Variants in AMDHD2 observed in about 807,000 individuals in gnomAD.
AMDHD2 encodes amidohydrolase domain containing 2, also known as N-acetylglucosamine-6-phosphate deacetylase.
AMDHD2 carries 24 observed loss-of-function variants against 41.8 expected under a neutral mutation model. The observed-to-expected ratio is 0.57, with a 90% CI of 0.42 to 0.81. The LOEUF is 0.81. Among genes scored for constraint, AMDHD2 ranks in the 30% least tolerant of loss-of-function variants. AMDHD2 has a pLI of 0.00. For missense variants in AMDHD2, 540 were observed against 588.5 expected, an observed-to-expected ratio of 0.92 and a Z score of 0.85; for synonymous variants, 332 against 255.5, an observed-to-expected ratio of 1.30 and a Z score of -2.85.
In AMDHD2 at chr16:2,528,277, C is replaced by T. The variant is rs761414863; in HGVS notation, c.759C>T (p.Ser253=). 7 of 1,612,260 alleles carry T rather than the reference C, an allele frequency of 4.3e-6. No individual in the cohort carries two copies. The highest frequency in any genetic ancestry group is 3.3e-5 in the South Asian group (3 of 91,084). Residue 253 remains serine (S), a synonymous_variant, in exon 7 of 11, where the codon AGC becomes AGT. Transcript: ENST00000293971. ...RDPGIVGLLT[S]DRLPAGRCIF... is the part of the protein sequence containing the mutation. ...CAGGCATCGTGGGGCTCCTGACCAG[C>T]GACCGGCTGCCCGCAGGCCGCTGCA... is the stretch of plus-strand genomic sequence containing the variant.
At position 2,530,584 on chromosome 16, in the gene AMDHD2, G is replaced by A. The variant is rs1252417352; in HGVS notation, c.*1021G>A. ...TGGCTCCCTTCCCCCTTGCTTACAG[G>A]TGCTGTCCTGGGCACAGGAGGTACG... On this transcript the variant is annotated 3_prime_UTR_variant, in exon 11 of 11. Coordinates refer to ENST00000293971, the MANE Select transcript of AMDHD2 (RefSeq NM_001330449.2). 6.2e-7 allele frequency: 1 copy of A among 1,614,164 alleles called. No individual in the cohort carries two copies. The highest frequency in any genetic ancestry group is 2.2e-5 in the East Asian group (1 of 44,890).
intron 10 of AMDHD2, 133 bp from the exon 11 acceptor site, chr16:2,529,342 G>A: frequency 1.4e-6 from 2 of 1,399,318 alleles, no homozygotes; most frequent in Non-Finnish European, 9.8e-7. Flanking sequence ...ATCTGTGATG[G>A]GTCAGGGTGT....
intron 9 of AMDHD2, 45 bp from the exon 10 acceptor site, chr16:2,528,949 C>T: frequency 1.3e-6 from 2 of 1,543,118 alleles, no homozygotes; most frequent in Non-Finnish European, 1.7e-6. Context: ...GTTGGCAAAG[C>T]CATGTGGGCT....
rs2065924041 is a variant in AMDHD2, at chr16:2,520,787, C to G, written c.102C>G (p.Arg34=). 4 of 1,603,382 alleles carry G rather than the reference C, an allele frequency of 2.5e-6. No homozygotes were observed. The highest frequency in any genetic ancestry group is 3.4e-6 in the Non-Finnish European group (4 of 1,176,876). Residue 34 remains arginine, a synonymous_variant, in exon 2 of 11, where the codon CGC becomes CGG. Transcript: ENST00000293971. ...TCCCCAGGGAGGATCTGTGGGTGCGCGGAGGCCGCATCTTGGACCCAGAGA... is the reference window on the plus strand; with the variant it reads ...TCCCCAGGGAGGATCTGTGGGTGCGGGGAGGCCGCATCTTGGACCCAGAGA... ...GKLLREDLWV[R]GGRILDPEKL... is the part of the protein sequence containing the mutation.
rs563612603 is a variant in AMDHD2, at chr16:2,527,219, A to G, written c.361-342A>G. The G allele has an allele frequency of 1.1e-3, 452 of 425,298 alleles. 1 individual carries two copies. Among genetic ancestry groups the G allele is most frequent in the African/African-American group, 8.3e-3 (391 of 46,834 alleles). 26.3% of individuals were successfully genotyped at this position (425,298 alleles called of 1,614,324 possible). A position where few individuals can be genotyped will look rare whatever the true frequency, so the allele number is the denominator to read the frequency against. On this transcript the variant is annotated intron_variant, in intron 3 of 10. Transcript: ENST00000293971. The surrounding 1 kb of genome is among the most constrained non-coding windows in gnomAD (Gnocchi z 6.1). ...AGTGCTGAGCCCTGGCCATGCCCAC[A>G]CTGAGCTCTGCCCCAGGGTCCCTGC...
At chr16:2,525,050 C>G (rs2065986016) in intron 3 of AMDHD2, among the ~76,000 whole-genome samples, 1 of 151,602 alleles carries the variant, frequency 6.6e-6, no homozygotes, top group Non-Finnish European at 1.5e-5. Flanking sequence ...ACTCTTCTCT[C>G]TGGCCACTTA....
intron 3 of AMDHD2, among the ~76,000 whole-genome samples, chr16:2,524,415 T>TG (rs1162886503): frequency 6.6e-6 from 1 of 152,202 alleles, no homozygotes; most frequent in African/African-American, 2.4e-5. Flanking sequence ...CCCCTGCCTC[T>TG]GGCCCCGCAC....
At position 2,527,756 on chromosome 16, in the gene AMDHD2, T is replaced by G; in HGVS notation, c.416-17T>G. On this transcript the variant is annotated splice_polypyrimidine_tract_variant and intron_variant, in intron 4 of 10. Coordinates refer to ENST00000293971, the MANE Select transcript of AMDHD2 (RefSeq NM_001330449.2). The surrounding 1 kb of genome is among the most constrained non-coding windows in gnomAD (Gnocchi z 6.1). The stretch of plus-strand genomic sequence containing the variant: ...TGGGGCAGGGACCTGCTGGAGCCAC[T>G]TGCTCCCTCCTCCCAGGGCTGCACC... The G allele has an allele frequency of 6.4e-7, 1 of 1,561,774 alleles. No individual in the cohort carries two copies. Among genetic ancestry groups the G allele is most frequent in the Non-Finnish European group, 8.6e-7 (1 of 1,157,386 alleles).
intron 1 of AMDHD2, 30 bp downstream of exon 1, chr16:2,520,571 G>T: frequency 8.2e-7 from 1 of 1,219,536 alleles, no homozygotes. Flanking sequence ...TGCGGGGCTG[G>T]GGACCGGGCG....
Position 2,527,679 on chromosome 16 carries a change from C to T in AMDHD2, c.415+64C>T, listed in dbSNP as rs1011845663. ...GCTCCTGCGGGACCTGTTGGCAGCC[C>T]CCACCCCTCCAGATGCCCAGCTGGT... is the stretch of plus-strand genomic sequence containing the variant. On this transcript the variant is annotated intron_variant, in intron 4 of 10. Transcript: ENST00000293971. This position sits in a 1 kb window ranked among gnomAD's most constrained non-coding sequence, Gnocchi z 6.1. 1.6e-5 allele frequency: 25 copies of T among 1,571,278 alleles called. No individual in the cohort carries two copies. The highest frequency in any genetic ancestry group is 1.9e-5 in the Non-Finnish European group (22 of 1,157,876).
chr16:2,521,933 C>T (rs957751351), intron 3 of AMDHD2, among the ~76,000 whole-genome samples: 3 of 151,758 alleles, frequency 2.0e-5, no homozygotes, highest in Non-Finnish European at 2.9e-5. Context: ...TACAGGTGCC[C>T]GCCACCTCGC....
rs4072480 is a variant in AMDHD2, at chr16:2,520,638, A to T, written c.83+97A>T. 3 of 713,006 alleles carry T rather than the reference A, an allele frequency of 4.2e-6. 1 individual carries two copies. The highest frequency in any genetic ancestry group is 1.0e-4 in the African/African-American group (2 of 19,990). 44.2% of individuals were successfully genotyped at this position (713,006 alleles called of 1,614,324 possible). On this transcript the variant is annotated intron_variant, in intron 1 of 10. Transcript: ENST00000293971. ...GGGTGCAGGGTGCGGGGCCGGGGAC[A>T]GGGCGGGGTGCAGGGTGCGGGGCCG...
chr16:2,524,208 T>C (rs1049911649), intron 3 of AMDHD2, among the ~76,000 whole-genome samples: 1 of 152,254 alleles, frequency 6.6e-6, no homozygotes, highest in Non-Finnish European at 1.5e-5. Flanking sequence ...CTGGGTGGAA[T>C]TGGATGGCCA....
intron 3 of AMDHD2, among the ~76,000 whole-genome samples, chr16:2,522,116 CTCTG>C (rs780110363): frequency 2.6e-5 from 4 of 152,082 alleles, no homozygotes; most frequent in Non-Finnish European, 4.4e-5. Context: ...CAGGGTTTCT[CTCTG>C]TGGCCCAGGT....
Position 2,529,373 on chromosome 16 carries a change from G to T in AMDHD2, c.1142-102G>T, listed in dbSNP as rs1469354584. 22 of 1,550,594 alleles carry T rather than the reference G, an allele frequency of 1.4e-5. No homozygotes were observed. The Admixed American group carries it at 3.7e-4, about 26-fold the overall frequency. ...GGTGTCTTGCACTAGTCGTGTCCCT[G>T]GGCCTCAGTTTCCCCACCAGCGTCG... is the stretch of plus-strand genomic sequence containing the variant. On this transcript the variant is annotated intron_variant, in intron 10 of 10. Coordinates refer to ENST00000293971, the MANE Select transcript of AMDHD2 (RefSeq NM_001330449.2).
At position 2,529,722 on chromosome 16, in the gene AMDHD2, C is replaced by G. The variant is rs1221660380; in HGVS notation, c.*159C>G. 1.3e-5 allele frequency: 19 copies of G among 1,456,644 alleles called. No homozygotes were observed. Among genetic ancestry groups the G allele is most frequent in the Non-Finnish European group, 1.6e-5 (18 of 1,105,420 alleles). The allele number at this position is 1,456,644 out of a possible 1,614,324, so 90.2% of individuals were successfully genotyped here. A position where few individuals can be genotyped will look rare whatever the true frequency, so the allele number is the denominator to read the frequency against. On this transcript the variant is annotated 3_prime_UTR_variant, in exon 11 of 11. Transcript: ENST00000293971. ...AGGCGGTGGCTGGGATAAACGTGCA[C>G]CCAGCAGGACTCGCCTTGGCTCCGG...
intron 3 of AMDHD2, among the ~76,000 whole-genome samples, chr16:2,526,845 G>A (rs534439122): frequency 6.6e-6 from 1 of 152,228 alleles, no homozygotes; most frequent in East Asian, 1.9e-4. Context: ...CAGGAGAATC[G>A]CTTGAACTCA....
intron 3 of AMDHD2, among the ~76,000 whole-genome samples, chr16:2,525,061 T>C (rs1275596570): frequency 2.0e-5 from 3 of 151,686 alleles, no homozygotes; most frequent in African/African-American, 4.8e-5. Context: ...TGGCCACTTA[T>C]TTATTTATTT....
rs760659331 is a variant in AMDHD2 at position 2,529,734 on chromosome 16, C to T, written c.*171C>T. 15 of 1,446,210 alleles carry T rather than the reference C, an allele frequency of 1.0e-5. No homozygotes were observed. The highest frequency in any genetic ancestry group is 8.5e-5 in the African/African-American group (6 of 70,480). 89.6% of individuals were successfully genotyped at this position (1,446,210 alleles called of 1,614,324 possible). A position where few individuals can be genotyped will look rare whatever the true frequency, so the allele number is the denominator to read the frequency against. On this transcript the variant is annotated 3_prime_UTR_variant, in exon 11 of 11. Coordinates refer to ENST00000293971, the MANE Select transcript of AMDHD2 (RefSeq NM_001330449.2). Reference sequence around the variant, plus strand: ...GGATAAACGTGCACCCAGCAGGACTCGCCTTGGCTCCGGGTTTTGCTTGTG... The same window carrying T: ...GGATAAACGTGCACCCAGCAGGACTTGCCTTGGCTCCGGGTTTTGCTTGTG...
Sources: allele counts gnomAD v4.1 joint callset (sites outside exome capture counted in the v4.1 genomes callset), GRCh38; gene constraint gnomAD v4.1.1; non-coding constraint Gnocchi (gnomAD v3.1); transcripts MANE v1.5; gene names NCBI Gene and HGNC (gene_info 2026-07-23, HGNC 2026-07-21).